SLCO3A1: variants seen among roughly 807,000 people sequenced by gnomAD.
SLCO3A1 encodes the protein PGE1 transporter.
In SLCO3A1, 27 loss-of-function variants were observed where a neutral mutation model predicts 63.1. That is an observed-to-expected ratio of 0.43 (90% CI 0.32 to 0.59). SLCO3A1 has a LOEUF of 0.59. Ranked by LOEUF, SLCO3A1 falls within the 20% of genes least tolerant of loss-of-function variation. SLCO3A1 has a pLI of 0.09. For synonymous variants in SLCO3A1, 473 were observed against 409.9 expected, an observed-to-expected ratio of 1.15 and a Z score of -1.86; for missense variants, 773 against 945.8, an observed-to-expected ratio of 0.82 and a Z score of 2.40.
At chr15:92,022,168 G>T (rs2046517181) in intron 2 of SLCO3A1, among the ~76,000 whole-genome samples, 1 of 152,192 alleles carries the variant, frequency 6.6e-6, no homozygotes, top group African/African-American at 2.4e-5. Flanking sequence ...GCTTTAAAAG[G>T]ACAAGATTTT....
intron 1 of SLCO3A1, among the ~76,000 whole-genome samples, chr15:91,913,607 T>G (rs1184342896): frequency 6.6e-6 from 1 of 151,740 alleles, no homozygotes; most frequent in Non-Finnish European, 1.5e-5. Context: ...TTTTGGTTTG[T>G]TTTTTTAGTA....
At chr15:91,985,734 A>G (rs2046043739) in intron 2 of SLCO3A1, among the ~76,000 whole-genome samples, 1 of 152,120 alleles carries the variant, frequency 6.6e-6, no homozygotes, top group Middle Eastern at 3.2e-3. Flanking sequence ...GGAGTGTGCC[A>G]GTTCTGGAGG....
In SLCO3A1 at chr15:91,916,607, G is replaced by C. The variant is rs1240260617; in HGVS notation, c.646+149G>C. On this transcript the variant is annotated intron_variant, in intron 2 of 9. Transcript: ENST00000318445. The surrounding 1 kb of genome is among the most constrained non-coding windows in gnomAD (Gnocchi z 6.2). ...TCTTGAAAAATACTCATGCCTGGGG[G>C]TGCAACCTGGGCATTGAGACGTTTT... 4 of 648,782 alleles carry C rather than the reference G, an allele frequency of 6.2e-6. No individual in the cohort carries two copies. In the Admixed American group the frequency reaches 9.7e-5, roughly 16 times the overall value. The allele number at this position is 648,782 out of a possible 1,614,324, so 40.2% of individuals were successfully genotyped here. A position where few individuals can be genotyped will look rare whatever the true frequency, so the allele number is the denominator to read the frequency against.
chr15:92,010,276 C>T (rs2046355098), intron 2 of SLCO3A1, among the ~76,000 whole-genome samples: 1 of 152,138 alleles, frequency 6.6e-6, no homozygotes, highest in African/African-American at 2.4e-5. Flanking sequence ...TTGGAAGGGG[C>T]TCCATTAAAA....
At chr15:91,903,808 G>C (rs7171973) in intron 1 of SLCO3A1, among the ~76,000 whole-genome samples, 87,608 of 152,136 alleles carry the variant, frequency 0.58, 27,736 homozygotes, top group East Asian at 0.84. Flanking sequence ...GAGGTGTACC[G>C]AGCAAATGGG....
intron 2 of SLCO3A1, among the ~76,000 whole-genome samples, chr15:91,969,634 A>G (rs780840096): frequency 1.3e-5 from 2 of 152,126 alleles, no homozygotes; most frequent in Non-Finnish European, 2.9e-5. Context: ...TTGTCTTTCT[A>G]TCAAAAACAT....
chr15:92,145,743 T>A (rs1260625158), intron 7 of SLCO3A1, among the ~76,000 whole-genome samples: 1 of 152,164 alleles, frequency 6.6e-6, no homozygotes, highest in Non-Finnish European at 1.5e-5. Flanking sequence ...TGCCCCTGGG[T>A]ACCCTAACTG....
At chr15:92,019,356 A>G (rs2046478133) in intron 2 of SLCO3A1, among the ~76,000 whole-genome samples, 1 of 152,180 alleles carries the variant, frequency 6.6e-6, no homozygotes, top group African/African-American at 2.4e-5. Flanking sequence ...TGAAAGTCAT[A>G]GGGAAATCAA....
chr15:92,105,266 T>G (rs2047654271), intron 4 of SLCO3A1, among the ~76,000 whole-genome samples: 1 of 151,816 alleles, frequency 6.6e-6, no homozygotes, highest in Non-Finnish European at 1.5e-5. Context: ...ACAGCAAGAC[T>G]CTCATCTCAA....
intron 2 of SLCO3A1, among the ~76,000 whole-genome samples, chr15:92,010,324 T>C (rs1030428568): frequency 1.3e-5 from 2 of 152,176 alleles, no homozygotes; most frequent in Non-Finnish European, 2.9e-5. Flanking sequence ...TAAAGCTCCC[T>C]TTTGGAGAAT....
rs769030243 is a variant in SLCO3A1, at chr15:92,128,321, A to T, written c.1374-30A>T. The T allele has an allele frequency of 2.5e-6, 4 of 1,613,462 alleles. No homozygotes were observed. In the South Asian group the frequency reaches 4.4e-5, roughly 18 times the overall value. ...TCTGATTCCGAATTGACCTGTTTCT[A>T]ATGGCTTCCGTGTTTCCTTTCTTTT... On this transcript the variant is annotated intron_variant, in intron 6 of 9. Transcript: ENST00000318445.
intron 9 of SLCO3A1, among the ~76,000 whole-genome samples, chr15:92,153,844 G>T (rs1409428328): frequency 2.0e-5 from 3 of 152,146 alleles, no homozygotes; most frequent in Non-Finnish European, 2.9e-5. Flanking sequence ...GCTGCAGAAG[G>T]CCCAGACTGG....
At chr15:91,970,354 C>T (rs1174407537) in intron 2 of SLCO3A1, among the ~76,000 whole-genome samples, 1 of 152,160 alleles carries the variant, frequency 6.6e-6, no homozygotes, top group African/African-American at 2.4e-5. Context: ...TGGCCCCAAG[C>T]CTGGGCAGTT....
chr15:92,155,766 A>C (rs1027497762), intron 9 of SLCO3A1, among the ~76,000 whole-genome samples: 1 of 152,138 alleles, frequency 6.6e-6, no homozygotes, highest in African/African-American at 2.4e-5. Context: ...AGCAAAAGAG[A>C]AGCAATGAAA....
At chr15:92,126,328 G>A in intron 6 of SLCO3A1, 69 bp downstream of exon 6, 1 of 1,369,798 alleles carries the variant, frequency 7.3e-7, no homozygotes, top group Non-Finnish European at 1.0e-6. Flanking sequence ...TCTGCAGTAG[G>A]TTGAGGGAAC....
chr15:92,099,451 A>C (rs1267365371), intron 3 of SLCO3A1, among the ~76,000 whole-genome samples: 1 of 14,666 alleles, frequency 6.8e-5, no homozygotes, highest in African/African-American at 1.6e-4. Flanking sequence ...ATGAACTACA[A>C]AAAAAAAAAA....
rs556314311 is a variant in SLCO3A1 at position 91,914,567 on chromosome 15, C to CTTT, written c.181-1409_181-1407dup. Among the ~76,000 whole-genome samples the CTTT allele has an allele frequency of 3.2e-4, 39 of 122,240 alleles. 1 individual carries two copies. The highest frequency in any genetic ancestry group is 9.8e-3 in the Middle Eastern group (2 of 204). The allele number at this position is 122,240 out of a possible 152,430, so 80.2% of individuals were successfully genotyped here. ...CCCCACCTTTCCAACTATTTTCTTCCTTTTTTTTTTTTTTTTTTTGGAAGC... is the reference window on the plus strand; with the variant it reads ...CCCCACCTTTCCAACTATTTTCTTCCTTTTTTTTTTTTTTTTTTTTTTGGAAGC... On this transcript the variant is annotated intron_variant, in intron 1 of 9. Transcript: ENST00000318445.
chr15:92,131,713 C>T (rs1309123126), intron 7 of SLCO3A1, among the ~76,000 whole-genome samples: 4 of 145,406 alleles, frequency 2.8e-5, no homozygotes, highest in Non-Finnish European at 6.2e-5. Context: ...TCAAGCTCTC[C>T]CTGCCCCTGG....
intron 5 of SLCO3A1, among the ~76,000 whole-genome samples, chr15:92,121,228 G>C (rs2047859496): frequency 6.6e-6 from 1 of 152,224 alleles, no homozygotes; most frequent in South Asian, 2.1e-4. Context: ...GGCAGGGTAA[G>C]GAATGTGGTC....
Sources: allele counts gnomAD v4.1 joint callset (sites outside exome capture counted in the v4.1 genomes callset), GRCh38; gene constraint gnomAD v4.1.1; non-coding constraint Gnocchi (gnomAD v3.1); transcripts MANE v1.5; gene names NCBI Gene and HGNC (gene_info 2026-07-23, HGNC 2026-07-21).